Variants in ARIH1 observed in about 807,000 individuals in gnomAD.
The protein encoded by ARIH1 is E3 ubiquitin-protein ligase ARIH1.
ARIH1 carries 8 observed loss-of-function variants against 85.0 expected under a neutral mutation model. The observed-to-expected ratio is 0.09, with a 90% CI of 0.06 to 0.17. The LOEUF (loss-of-function observed/expected upper bound fraction) is 0.17. ARIH1 is among the 10% of genes least tolerant of loss of function. The pLI is 1.00. For synonymous variants in ARIH1, 238 were observed against 253.6 expected (o/e 0.94, Z 0.59); for missense variants, 311 against 718.1 (o/e 0.43, Z 6.48).
intron 2 of ARIH1, among the ~76,000 whole-genome samples, chr15:72,519,475 G>GTTTTTTTTTTTT (rs150165121): frequency 3.2e-5 from 2 of 62,544 alleles, no homozygotes; most frequent in African/African-American, 1.3e-4. Flanking sequence ...TGTTTTTTTT[G>GTTTTTTTTTTTT]TTTTTTTTTT....
In ARIH1 at chr15:72,591,372, AAC is replaced by A. The variant is rs1217211175; in HGVS notation, c.*8082_*8083del. On this transcript the variant is annotated 3_prime_UTR_variant, in exon 14 of 14. Coordinates refer to ENST00000379887, the MANE Select transcript of ARIH1 (RefSeq NM_005744.5). The stretch of plus-strand genomic sequence containing the variant: ...TGATAGCTAAAATTTGTTTCTGTAT[AAC>A]AGAGTAGTGCCCTATAAGCCAGTTC... 1 of 152,164 alleles carries A rather than the reference AAC, an allele frequency of 6.6e-6. No homozygotes were observed. The highest frequency in any genetic ancestry group is 1.9e-4 in the East Asian group (1 of 5,198). The allele number at this position is 152,164 out of a possible 1,614,324, so 9.4% of individuals were successfully genotyped here.
rs562766932 is a variant in ARIH1 at position 72,595,611 on chromosome 15, T to G, written c.*12319T>G. On this transcript the variant is annotated 3_prime_UTR_variant, in exon 14 of 14. Coordinates refer to ENST00000379887, the MANE Select transcript of ARIH1 (RefSeq NM_005744.5). ...ATCCTGCCTCAGCCTCCCGAGTAGC[T>G]GGGACCACAGGTGTGCGCTACCACA... The G allele has an allele frequency of 6.6e-6, 1 of 152,276 alleles. No individual in the cohort carries two copies. The highest frequency in any genetic ancestry group is 2.1e-4 in the South Asian group (1 of 4,828). The allele number at this position is 152,276 out of a possible 1,614,324, so 9.4% of individuals were successfully genotyped here.
At chr15:72,484,715 A>G (rs1567336484) in intron 1 of ARIH1, among the ~76,000 whole-genome samples, 2 of 150,818 alleles carry the variant, frequency 1.3e-5, no homozygotes, top group African/African-American at 4.9e-5. Flanking sequence ...GTATATACGT[A>G]TATGTATGTG....
At chr15:72,531,077 T>A (rs1401250470) in intron 2 of ARIH1, among the ~76,000 whole-genome samples, 2 of 152,208 alleles carry the variant, frequency 1.3e-5, no homozygotes, top group Non-Finnish European at 2.9e-5. Context: ...ATACACAGTT[T>A]TTCACATTTT....
At chr15:72,556,108 A>G (rs1595869027) in intron 5 of ARIH1, among the ~76,000 whole-genome samples, 1 of 152,222 alleles carries the variant, frequency 6.6e-6, no homozygotes, top group Non-Finnish European at 1.5e-5. Context: ...TTAGAAATGC[A>G]TGGTAGCTAG....
chr15:72,554,756 T>C (rs2064167824), intron 3 of ARIH1, among the ~76,000 whole-genome samples: 2 of 151,980 alleles, frequency 1.3e-5, no homozygotes, highest in Non-Finnish European at 2.9e-5. Context: ...TTGCTTTGTT[T>C]TGTTTTGTTT....
intron 2 of ARIH1, among the ~76,000 whole-genome samples, chr15:72,534,186 A>G (rs965085900): frequency 3.3e-5 from 5 of 152,160 alleles, no homozygotes; most frequent in Admixed American, 6.5e-5. Flanking sequence ...CTAAGTTTAT[A>G]TTGTTTAAGG....
At chr15:72,507,089 C>G (rs2063929532) in intron 1 of ARIH1, among the ~76,000 whole-genome samples, 1 of 152,156 alleles carries the variant, frequency 6.6e-6, no homozygotes, top group Admixed American at 6.5e-5. Context: ...GTGGCATGAT[C>G]TCAGCTCACC....
At chr15:72,475,154 C>T (rs1444336431) in intron 1 of ARIH1, 140 bp downstream of exon 1, 25 of 1,419,042 alleles carry the variant, frequency 1.8e-5, no homozygotes, top group Non-Finnish European at 2.2e-5. Flanking sequence ...TCCGCTGCCT[C>T]TGCTGGGGAT....
At chr15:72,566,723 T>A in intron 8 of ARIH1, 118 bp downstream of exon 8, 1 of 858,820 alleles carries the variant, frequency 1.2e-6, no homozygotes, top group Non-Finnish European at 1.8e-6. Context: ...TTTATCCTTT[T>A]AATTTCAGAT....
Position 72,503,425 on chromosome 15 carries a change from G to A in ARIH1, c.376-14642G>A, listed in dbSNP as rs116633777. Among the ~76,000 whole-genome samples, 1,500 of 152,264 alleles carry A rather than the reference G, an allele frequency of 9.9e-3. 28 individuals are homozygous for A. Among genetic ancestry groups the A allele is most frequent in the African/African-American group, 0.034 (1,400 of 41,536 alleles). ...CCTGATTCAAGCTTTCCAATCCTTG[G>A]ATCACAGTTATCTGCCATGTGTTCT... On this transcript the variant is annotated intron_variant, in intron 1 of 13. Transcript: ENST00000379887.
intron 1 of ARIH1, among the ~76,000 whole-genome samples, chr15:72,512,735 T>C (rs2063955983): frequency 6.6e-6 from 1 of 152,036 alleles, no homozygotes. Flanking sequence ...GTTCAAGATA[T>C]TTCTAATTTT....
At chr15:72,479,723 GA>G (rs2063807822) in intron 1 of ARIH1, among the ~76,000 whole-genome samples, 1 of 151,590 alleles carries the variant, frequency 6.6e-6, no homozygotes, top group Non-Finnish European at 1.5e-5. Flanking sequence ...TCATTTTAAA[GA>G]AAAAAATATC....
intron 1 of ARIH1, among the ~76,000 whole-genome samples, chr15:72,491,958 A>C (rs1053978632): frequency 6.6e-6 from 1 of 152,178 alleles, no homozygotes; most frequent in African/African-American, 2.4e-5. Flanking sequence ...TGTGCTCCAG[A>C]AGACTGACTT....
chr15:72,525,423 CTACAATAAAAT>C (rs1262233700), intron 2 of ARIH1, among the ~76,000 whole-genome samples: 1 of 152,138 alleles, frequency 6.6e-6, no homozygotes, highest in African/African-American at 2.4e-5. Flanking sequence ...CAACTAAAAT[CTACAATAAAAT>C]TATAGTTAAT....
intron 2 of ARIH1, among the ~76,000 whole-genome samples, chr15:72,523,265 A>T (rs1423645770): frequency 6.6e-6 from 1 of 152,234 alleles, no homozygotes; most frequent in Non-Finnish European, 1.5e-5. Flanking sequence ...AGATGAAAGG[A>T]TGAGTAAACT....
chr15:72,491,654 A>T (rs1218740997), intron 1 of ARIH1, among the ~76,000 whole-genome samples: 1 of 152,190 alleles, frequency 6.6e-6, no homozygotes, highest in African/African-American at 2.4e-5. Context: ...CTTCTACCAA[A>T]TTCACTGAAT....
intron 1 of ARIH1, among the ~76,000 whole-genome samples, chr15:72,476,531 AT>A (rs536212584): frequency 6.6e-6 from 1 of 151,456 alleles, no homozygotes. Flanking sequence ...TGCTCAGCTA[AT>A]TTTTTGTATT....
intron 1 of ARIH1, among the ~76,000 whole-genome samples, chr15:72,504,972 A>G (rs570781099): frequency 6.6e-6 from 1 of 152,232 alleles, no homozygotes; most frequent in Non-Finnish European, 1.5e-5. Flanking sequence ...TGAATTACAC[A>G]TGATAATTTC....
Sources: gnomAD v4.1 joint callset for allele counts (sites outside exome capture counted in the v4.1 genomes callset) on GRCh38, gnomAD v4.1.1 for gene constraint, MANE v1.5 for transcripts, NCBI Gene and HGNC (gene_info 2026-07-23, HGNC 2026-07-21) for gene names.